LYST: variants seen among roughly 807,000 people sequenced by gnomAD.
LYST encodes lysosomal-trafficking regulator.
A neutral mutation model predicts 413.6 loss-of-function variants in LYST; 192 were observed. The observed-to-expected ratio is 0.46, with a 90% CI of 0.41 to 0.52. LYST has a LOEUF of 0.52. Ranked by LOEUF, LYST falls within the 20% of genes least tolerant of loss-of-function variation. The pLI, the probability that LYST is intolerant of heterozygous loss-of-function variation, is 0.00. For missense variants in LYST, 3,815 were observed against 4,499.9 expected, an observed-to-expected ratio of 0.85 and a Z score of 4.35; for synonymous variants, 1,525 against 1,567.3, an observed-to-expected ratio of 0.97 and a Z score of 0.64.
In LYST at chr1:235,809,912, C is replaced by T. The variant is rs767791732; in HGVS notation, c.906G>A (p.Leu302=). ...FLAGFGDCCS[L]SDNLESRVVS... The stretch of plus-strand genomic sequence containing the variant: ...CTACTCGACTCTCCAAGTTGTCGCT[C>T]AGACTGCAGCAGTCCCCAAAGCCTG... The change falls in exon 5 of 53, where the codon CTG becomes CTA. Residue 302 remains leucine, a synonymous_variant. Coordinates refer to ENST00000389793, the MANE Select transcript of LYST (RefSeq NM_000081.4). The surrounding 1 kb of genome is among the most constrained non-coding windows in gnomAD (Gnocchi z 4.0). The T allele has an allele frequency of 6.2e-7, 1 of 1,614,000 alleles. No homozygotes were observed. The highest frequency in any genetic ancestry group is 1.1e-5 in the South Asian group (1 of 91,078).
intron 3 of LYST, among the ~76,000 whole-genome samples, chr1:235,813,702 A>T (rs12058222): frequency 6.6e-6 from 1 of 152,228 alleles, no homozygotes; most frequent in Non-Finnish European, 1.5e-5. Flanking sequence ...GGCATGTAGT[A>T]TGAGTAAGTA....
At position 235,810,397 on chromosome 1, in the gene LYST, G is replaced by T; in HGVS notation, c.421C>A (p.Arg141=). Residue 141 remains arginine, a synonymous_variant, in exon 5 of 53, where the codon CGA becomes AGA. Transcript: ENST00000389793. ...ATTTTACGCTGTCGTCTGCTTTTTC[G>T]AAAAACATTTACTTTTGCAGAAACC... The part of the protein sequence containing the change: ...SQVSAKVNVF[R]KSRRQRKITH... 1 of 1,611,486 alleles carries T rather than the reference G, an allele frequency of 6.2e-7. No homozygotes were observed. Among genetic ancestry groups the T allele is most frequent in the African/African-American group, 1.3e-5 (1 of 74,714 alleles).
At chr1:235,767,979 CTT>C (rs1338301864) in intron 20 of LYST, among the ~76,000 whole-genome samples, 5 of 152,034 alleles carry the variant, frequency 3.3e-5, no homozygotes, top group Non-Finnish European at 7.4e-5. Context: ...TTCAATTACT[CTT>C]TCTGTATCTC....
intron 21 of LYST, among the ~76,000 whole-genome samples, chr1:235,765,855 C>T (rs990781117): frequency 1.7e-4 from 26 of 149,576 alleles, no homozygotes; most frequent in Non-Finnish European, 3.3e-4. Context: ...TTTTTTTTTA[C>T]TGTAGTTATT....
Position 235,806,670 on chromosome 1 carries a change from A to C in LYST, c.2466T>G (p.Thr822=), listed in dbSNP as rs1672874035. ...IRSHSLKAFE[T]LIISLGEQQK... Reference sequence around the variant, plus strand: ...GTTGCTCCCCTAGGCTGATTATCAGAGTTTCAAATGCTTTTAGAGAATGAC... The same window carrying C: ...GTTGCTCCCCTAGGCTGATTATCAGCGTTTCAAATGCTTTTAGAGAATGAC... Residue 822 remains threonine (T), a synonymous_variant, in exon 6 of 53, where the codon ACT becomes ACG. Transcript: ENST00000389793. 1.2e-6 allele frequency: 2 copies of C among 1,613,804 alleles called. No individual in the cohort carries two copies. The highest frequency in any genetic ancestry group is 1.7e-6 in the Non-Finnish European group (2 of 1,179,702).
chr1:235,714,603 C>T (rs1360282301), intron 42 of LYST, among the ~76,000 whole-genome samples: 2 of 152,064 alleles, frequency 1.3e-5, no homozygotes, highest in Non-Finnish European at 2.9e-5. Context: ...CTAATATCAC[C>T]GTTCTCATTA....
chr1:235,697,010 C>T (rs1661161226), intron 46 of LYST, 73 bp downstream of exon 46: 1 of 1,434,380 alleles, frequency 7.0e-7, no homozygotes, highest in African/African-American at 1.4e-5. Context: ...AAAGTAGCAG[C>T]ACAGATGAGC....
At chr1:235,832,469 TA>T (rs141184433) in intron 2 of LYST, among the ~76,000 whole-genome samples, 9,415 of 152,222 alleles carry the variant, frequency 0.062, 968 homozygotes, top group African/African-American at 0.21. Context: ...AACAGAAATG[TA>T]TGTTTTTTCC....
chr1:235,817,754 A>G (rs1369935961), intron 3 of LYST, among the ~76,000 whole-genome samples: 6 of 152,056 alleles, frequency 3.9e-5, no homozygotes, highest in African/African-American at 1.5e-4. Flanking sequence ...AAAACTATCG[A>G]TTGGGTACCA....
chr1:235,829,553 A>G (rs1675720594), intron 3 of LYST: 2 of 152,192 alleles, frequency 1.3e-5, no homozygotes, highest in South Asian at 4.1e-4. Flanking sequence ...ATTTTCTACT[A>G]AAATGAAATA....
chr1:235,674,583 G>A lies in LYST; in HGVS notation c.11038+2508C>T, dbSNP rs1229999077. On this transcript the variant is annotated intron_variant, in intron 50 of 52. Transcript: ENST00000389793. This position sits in a 1 kb window ranked among gnomAD's most constrained non-coding sequence, Gnocchi z 4.1. The stretch of plus-strand genomic sequence containing the variant: ...CAAAAATGTAGACTGGATAAATTAC[G>A]TTTATTATAATCAACAGTGGTTTGC... 3.9e-5 allele frequency among the ~76,000 whole-genome samples: 6 copies of A among 152,142 alleles called. No homozygotes were observed. The East Asian group carries it at 9.6e-4, about 24-fold the overall frequency.
rs191109276 is a variant in LYST at position 235,827,904 on chromosome 1, T to C, written c.192+2322A>G. Reference sequence around the variant, plus strand: ...CCAATAGACTTGGTTCCAGAATACATAAAGAACTGCTACAACTGATGATAA... The same window carrying C: ...CCAATAGACTTGGTTCCAGAATACACAAAGAACTGCTACAACTGATGATAA... On this transcript the variant is annotated intron_variant, in intron 3 of 52. Transcript: ENST00000389793. The C allele has an allele frequency of 4.0e-5, 25 of 619,402 alleles. No homozygotes were observed. The Middle Eastern group carries it at 3.3e-3, about 82-fold the overall frequency. 38.4% of individuals were successfully genotyped at this position (619,402 alleles called of 1,614,324 possible).
chr1:235,821,040 T>A (rs188328426), intron 3 of LYST, among the ~76,000 whole-genome samples: 184 of 152,360 alleles, frequency 1.2e-3, no homozygotes, highest in African/African-American at 4.3e-3. Context: ...CATTTAGCTT[T>A]CATATTCCAC....
intron 40 of LYST, 25 bp downstream of exon 40, chr1:235,720,636 A>T (rs1432506220): frequency 6.2e-7 from 1 of 1,610,720 alleles, no homozygotes; most frequent in South Asian, 1.1e-5. Context: ...GATGAACCCT[A>T]AAGGTGATGA....
intron 32 of LYST, 25 bp from the exon 33 acceptor site, chr1:235,733,931 C>CCTG (rs1200694894): frequency 8.5e-7 from 1 of 1,174,666 alleles, no homozygotes; most frequent in Non-Finnish European, 1.2e-6. Flanking sequence ...TAATAATATA[C>CCTG]TATATAAAAT....
chr1:235,776,793 C>T (rs574219933), intron 17 of LYST, among the ~76,000 whole-genome samples: 1 of 151,790 alleles, frequency 6.6e-6, no homozygotes, highest in South Asian at 2.1e-4. Context: ...AAATATCCTC[C>T]TCTCAATTTA....
At chr1:235,706,068 C>T (rs778770607) in intron 44 of LYST, among the ~76,000 whole-genome samples, 2 of 152,116 alleles carry the variant, frequency 1.3e-5, no homozygotes, top group Non-Finnish European at 2.9e-5. Flanking sequence ...GCTGGGATTA[C>T]AGGCATGAGC....
At chr1:235,770,475 G>A (rs779880677) in intron 19 of LYST, among the ~76,000 whole-genome samples, 178 bp from the exon 20 acceptor site, 10 of 152,090 alleles carry the variant, frequency 6.6e-5, no homozygotes, top group Admixed American at 2.0e-4. Context: ...GTTGCCAATA[G>A]GCTATTTCTA....
chr1:235,745,839 T>C (rs1264411911), intron 29 of LYST, among the ~76,000 whole-genome samples: 1 of 152,040 alleles, frequency 6.6e-6, no homozygotes, highest in Admixed American at 6.6e-5. Context: ...GAAACAAAAA[T>C]ATACAAATGG....
Sources: allele counts gnomAD v4.1 joint callset (sites outside exome capture counted in the v4.1 genomes callset), GRCh38; gene constraint gnomAD v4.1.1; non-coding constraint Gnocchi (gnomAD v3.1); transcripts MANE v1.5; gene names NCBI Gene and HGNC (gene_info 2026-07-23, HGNC 2026-07-21).